The following RABL2B variants were observed in gnomAD, a reference collection of about 807,000 sequenced individuals.
The protein encoded by RABL2B is RAB, member of RAS oncogene family like 2B, also known as rab-like protein 2B.
Under a neutral mutation model 26.7 loss-of-function variants are expected in RABL2B, and 17 were observed. The ratio of observed to expected loss-of-function variants is 0.64; its 90% CI spans 0.44 to 0.95. The LOEUF is 0.95. RABL2B is among the 40% of genes least tolerant of loss of function. The pLI is 0.00. For synonymous variants in RABL2B, 70 were observed against 103.9 expected (o/e 0.67, Z 1.99); for missense variants, 170 against 277.2 (o/e 0.61, Z 2.75).
rs1337410390 is a variant in RABL2B, at chr22:50,777,949, T to C, written c.137+3A>G. Reference sequence around the variant, plus strand: ...AAGGGGTACTTCAAACCTTGAAGGATACAAGCCATCCATGAGAAATCTCTC... The same window carrying C: ...AAGGGGTACTTCAAACCTTGAAGGACACAAGCCATCCATGAGAAATCTCTC... On this transcript the variant is annotated splice_donor_region_variant and intron_variant, in intron 3 of 8. Coordinates refer to ENST00000691320, the MANE Select transcript of RABL2B (RefSeq NM_001130919.3). The C allele has an allele frequency of 2.5e-6, 4 of 1,614,048 alleles. No individual in the cohort carries two copies. The African/African-American group carries it at 4.0e-5, about 16-fold the overall frequency.
intron 5 of RABL2B, among the ~76,000 whole-genome samples, chr22:50,774,505 A>C (rs565356201): frequency 1.8e-4 from 25 of 141,272 alleles, no homozygotes; most frequent in African/African-American, 6.6e-4. Flanking sequence ...GCCAAGTACC[A>C]GTGTGTGTGT....
chr22:50,772,866 A>T, intron 5 of RABL2B: 1 of 1,192,042 alleles, frequency 8.4e-7, no homozygotes, highest in South Asian at 1.6e-5. Context: ...AGCTGGCTAG[A>T]ATGAGGAGCA....
intron 5 of RABL2B, 63 bp from the exon 6 acceptor site, chr22:50,770,079 G>C: frequency 6.2e-7 from 1 of 1,601,962 alleles, no homozygotes; most frequent in Non-Finnish European, 8.5e-7. Flanking sequence ...CCCATCTCCA[G>C]GTGACTCACA....
At chr22:50,770,111 G>A (rs2083919590) in intron 5 of RABL2B, 95 bp from the exon 6 acceptor site, 1 of 1,593,062 alleles carries the variant, frequency 6.3e-7, no homozygotes. Flanking sequence ...GTAAGCACGA[G>A]CACATGGTGC....
intron 5 of RABL2B, among the ~76,000 whole-genome samples, chr22:50,773,955 C>T (rs1356723293): frequency 2.6e-5 from 4 of 152,088 alleles, no homozygotes; most frequent in African/African-American, 4.8e-5. Context: ...AGTGCAGTGG[C>T]GTGATCTCGG....
chr22:50,780,959 T>C (rs9616832), intron 2 of RABL2B, among the ~76,000 whole-genome samples: 11,890 of 152,166 alleles, frequency 0.078, 473 homozygotes, highest in African/African-American at 0.1. Flanking sequence ...GGGGTGTTAT[T>C]TATTGGGTAA....
rs577532936 is a variant in RABL2B, at chr22:50,772,972, G to A, written c.297+2800C>T. 6.2e-6 allele frequency: 8 copies of A among 1,289,850 alleles called. No homozygotes were observed. In the East Asian group the frequency reaches 2.2e-4, roughly 36 times the overall value. The allele number at this position is 1,289,850 out of a possible 1,614,324, so 79.9% of individuals were successfully genotyped here. A position where few individuals can be genotyped will look rare whatever the true frequency, so the allele number is the denominator to read the frequency against. ...GTCAGAAGGCAAGTGCTTTCTACTC[G>A]CCAGGGCCCGTGCAGCAGACTGGGG... is the stretch of plus-strand genomic sequence containing the variant. On this transcript the variant is annotated intron_variant, in intron 5 of 8. Coordinates refer to ENST00000691320, the MANE Select transcript of RABL2B (RefSeq NM_001130919.3).
In RABL2B at chr22:50,768,029, C is replaced by G. The variant is rs1472470482; in HGVS notation, c.*747G>C. ...CAGCACTTTGGGAGGCCGAGGCGGG[C>G]GGATCACGAGGTGAGGAGATCGAGA... On this transcript the variant is annotated 3_prime_UTR_variant, in exon 9 of 9. Transcript: ENST00000691320. 3.6e-6 allele frequency: 1 copy of G among 276,824 alleles called. No individual in the cohort carries two copies. The highest frequency in any genetic ancestry group is 2.9e-5 in the South Asian group (1 of 34,618). The allele number at this position is 276,824 out of a possible 1,614,324, so 17.1% of individuals were successfully genotyped here. A position where few individuals can be genotyped will look rare whatever the true frequency, so the allele number is the denominator to read the frequency against.
At chr22:50,778,222 C>T (rs1273774399) in intron 2 of RABL2B, among the ~76,000 whole-genome samples, 2 of 150,576 alleles carry the variant, frequency 1.3e-5, no homozygotes, top group African/African-American at 4.9e-5. Context: ...GCTCTCAAAT[C>T]TGTTATTTCC....
chr22:50,774,595 C>T lies in RABL2B; in HGVS notation c.297+1177G>A, dbSNP rs1196364191. On this transcript the variant is annotated intron_variant, in intron 5 of 8. Coordinates refer to ENST00000691320, the MANE Select transcript of RABL2B (RefSeq NM_001130919.3). ...AGCTGAGACTTCAGACATGGATTCC[C>T]GATCCATCAGAAAATGGTTGTTTTG... 1.0e-4 allele frequency among the ~76,000 whole-genome samples: 15 copies of T among 149,066 alleles called. 1 individual carries two copies. Among genetic ancestry groups the T allele is most frequent in the East Asian group, 5.8e-4 (3 of 5,150 alleles).
At chr22:50,777,824 A>G in intron 3 of RABL2B, 128 bp downstream of exon 3, 7 of 1,466,918 alleles carry the variant, frequency 4.8e-6, no homozygotes, top group Non-Finnish European at 6.7e-6. Flanking sequence ...GCGGAACAAA[A>G]CCTGTGCGTT....
Position 50,772,449 on chromosome 22 carries a change from A to G in RABL2B, c.298-2433T>C, listed in dbSNP as rs369687939. 3.8e-5 allele frequency: 37 copies of G among 986,300 alleles called. No individual in the cohort carries two copies. The East Asian group carries it at 1.0e-3, about 27-fold the overall frequency. 61.1% of individuals were successfully genotyped at this position (986,300 alleles called of 1,614,324 possible). A position where few individuals can be genotyped will look rare whatever the true frequency, so the allele number is the denominator to read the frequency against. ...AGTGAGCCTTCATGCCCTTCACAGG[A>G]GCTCCTCCAAAGTGTCTAGCCCAAA... On this transcript the variant is annotated intron_variant, in intron 5 of 8. Coordinates refer to ENST00000691320, the MANE Select transcript of RABL2B (RefSeq NM_001130919.3).
rs2083629094 is a variant in RABL2B, at chr22:50,767,962, CAG to C, written c.*812_*813del. ...CTGCTCAAAAACGATTGTTTAAAAA[CAG>C]ATGATTGGGGCCGGGCGCGGTGGCT... On this transcript the variant is annotated 3_prime_UTR_variant, in exon 9 of 9. Transcript: ENST00000691320. 1 of 320,568 alleles carries C rather than the reference CAG, an allele frequency of 3.1e-6. No individual in the cohort carries two copies. The highest frequency in any genetic ancestry group is 6.1e-6 in the Non-Finnish European group (1 of 164,790). The allele number at this position is 320,568 out of a possible 1,614,324, so 19.9% of individuals were successfully genotyped here.
intron 5 of RABL2B, chr22:50,772,164 G>C (rs2147055025): frequency 5.0e-6 from 1 of 200,138 alleles, no homozygotes. Context: ...TGAGTAGCTG[G>C]ATTACAGGTG....
chr22:50,772,446 A>T, intron 5 of RABL2B: 2 of 986,358 alleles, frequency 2.0e-6, no homozygotes, highest in Non-Finnish European at 1.2e-6. Context: ...TGCCCTTCAC[A>T]GGAGCTCCTC....
At chr22:50,777,895 T>A in intron 3 of RABL2B, 57 bp downstream of exon 3, 2 of 1,613,512 alleles carry the variant, frequency 1.2e-6, no homozygotes, top group South Asian at 2.2e-5. Flanking sequence ...GGGACACTGA[T>A]ACATGAGCGT....
intron 2 of RABL2B, among the ~76,000 whole-genome samples, chr22:50,779,544 G>A (rs1377265411): frequency 6.6e-6 from 1 of 151,992 alleles, no homozygotes; most frequent in Non-Finnish European, 1.5e-5. Flanking sequence ...TTTTGGGTGG[G>A]GGGGGTGTGC....
At chr22:50,779,132 CAGA>C (rs1255454718) in intron 2 of RABL2B, among the ~76,000 whole-genome samples, 1 of 150,736 alleles carries the variant, frequency 6.6e-6, no homozygotes, top group Non-Finnish European at 1.5e-5. Flanking sequence ...CTCATCCAAG[CAGA>C]AGCAGTGGAA....
Position 50,777,986 on chromosome 22 carries a change from AAGC to A in RABL2B, c.108-8_108-6del. The A allele has an allele frequency of 6.2e-7, 1 of 1,614,078 alleles. No homozygotes were observed. Among genetic ancestry groups the A allele is most frequent in the Non-Finnish European group, 8.5e-7 (1 of 1,180,000 alleles). On this transcript the variant is annotated splice_polypyrimidine_tract_variant and splice_region_variant and intron_variant, in intron 2 of 8. Transcript: ENST00000691320. The stretch of plus-strand genomic sequence containing the variant: ...ATGAGAAATCTCTCCATGAGTCTGT[AAGC>A]AGAACAGGCAAGGTGGTCAGATGGC...
Sources: allele counts gnomAD v4.1 joint callset (sites outside exome capture counted in the v4.1 genomes callset), GRCh38; gene constraint gnomAD v4.1.1; transcripts MANE v1.5; gene names NCBI Gene and HGNC (gene_info 2026-07-23, HGNC 2026-07-21).